ZMYND8: variants seen among roughly 807,000 people sequenced by gnomAD.
The protein encoded by ZMYND8 is zinc finger MYND-type containing 8.
Under a neutral mutation model 140.8 loss-of-function variants are expected in ZMYND8, and 37 were observed. The ratio of observed to expected loss-of-function variants is 0.26; its 90% CI spans 0.20 to 0.35. ZMYND8 has a LOEUF of 0.35. Among genes scored for constraint, ZMYND8 ranks in the 10% least tolerant of loss-of-function variants. ZMYND8 has a pLI of 1.00. For synonymous variants in ZMYND8, 592 were observed against 597.1 expected (o/e 0.99, Z 0.12); for missense variants, 1,068 against 1,570.0 (o/e 0.68, Z 5.40).
At chr20:47,213,801 C>T (rs1230784121) in intron 21 of ZMYND8, among the ~76,000 whole-genome samples, 14 of 152,004 alleles carry the variant, frequency 9.2e-5, no homozygotes, top group Admixed American at 3.9e-4. Context: ...TTTTAAAGCT[C>T]GAAGTCAACA....
chr20:47,214,209 A>C (rs2035718565), intron 21 of ZMYND8, among the ~76,000 whole-genome samples: 1 of 152,210 alleles, frequency 6.6e-6, no homozygotes, highest in South Asian at 2.1e-4. Context: ...ATGGATGAGG[A>C]ATTAATTAGA....
intron 17 of ZMYND8, among the ~76,000 whole-genome samples, chr20:47,228,723 G>T (rs767459060): frequency 1.8e-4 from 28 of 152,072 alleles, no homozygotes; most frequent in Non-Finnish European, 3.7e-4. Flanking sequence ...TCTCCTCTTC[G>T]TCTGAGCACC....
chr20:47,251,597 A>G (rs1419073339), intron 12 of ZMYND8, among the ~76,000 whole-genome samples: 1 of 151,568 alleles, frequency 6.6e-6, no homozygotes, highest in South Asian at 2.1e-4. Flanking sequence ...AAAAAAAAAA[A>G]TTTACTGGAC....
chr20:47,227,188 T>G lies in ZMYND8; in HGVS notation c.3016+15A>C. 1 of 1,614,076 alleles carries G rather than the reference T, an allele frequency of 6.2e-7. No individual in the cohort carries two copies. Among genetic ancestry groups the G allele is most frequent in the Middle Eastern group, 1.7e-4 (1 of 6,060 alleles). On this transcript the variant is annotated intron_variant, in intron 18 of 22. Transcript: ENST00000471951. ...CAAAACCCTCCTCAGTCCAGACCAGTGTGTCAGGCCTTACCTAAGTTGTGT... is the reference window on the plus strand; with the variant it reads ...CAAAACCCTCCTCAGTCCAGACCAGGGTGTCAGGCCTTACCTAAGTTGTGT...
chr20:47,247,214 CA>C (rs1464403074), intron 13 of ZMYND8, among the ~76,000 whole-genome samples: 1 of 152,178 alleles, frequency 6.6e-6, no homozygotes, highest in Non-Finnish European at 1.5e-5. Flanking sequence ...GAAATCAAAG[CA>C]GGGGCTTCTG....
At chr20:47,343,398 G>C (rs1432919612) in intron 2 of ZMYND8, among the ~76,000 whole-genome samples, 41 of 152,160 alleles carry the variant, frequency 2.7e-4, no homozygotes, top group Non-Finnish European at 2.9e-5. Context: ...AAATAAATAA[G>C]TAGTATTGGA....
At chr20:47,239,934 AT>A (rs978975262) in intron 14 of ZMYND8, among the ~76,000 whole-genome samples, 1 of 152,218 alleles carries the variant, frequency 6.6e-6, no homozygotes, top group Admixed American at 6.5e-5. Flanking sequence ...TTCAGGGGAA[AT>A]TTTTTTACTA....
intron 2 of ZMYND8, among the ~76,000 whole-genome samples, chr20:47,345,297 G>A (rs1413198029): frequency 6.6e-6 from 1 of 152,024 alleles, no homozygotes; most frequent in African/African-American, 2.4e-5. Context: ...GACACACAGG[G>A]GCCCCAAGGA....
intron 6 of ZMYND8, among the ~76,000 whole-genome samples, chr20:47,291,392 A>G (rs1057407494): frequency 6.6e-6 from 1 of 152,210 alleles, no homozygotes; most frequent in Non-Finnish European, 1.5e-5. Flanking sequence ...AATTCTAAGA[A>G]GCCACATCTT....
At chr20:47,310,347 A>C in intron 2 of ZMYND8, 143 bp from the exon 3 acceptor site, 2 of 862,346 alleles carry the variant, frequency 2.3e-6, no homozygotes, top group South Asian at 3.9e-5. Flanking sequence ...TCCTCCTCCC[A>C]GAATATACGT....
chr20:47,269,457 A>G (rs1269598651), intron 11 of ZMYND8, among the ~76,000 whole-genome samples: 1 of 152,250 alleles, frequency 6.6e-6, no homozygotes, highest in Non-Finnish European at 1.5e-5. Context: ...GCTTGTTTCA[A>G]TTAAAACTCT....
intron 2 of ZMYND8, among the ~76,000 whole-genome samples, chr20:47,327,789 A>T (rs2080569667): frequency 6.6e-6 from 1 of 152,204 alleles, no homozygotes; most frequent in Admixed American, 6.6e-5. Flanking sequence ...CTTAACTTTC[A>T]GATAATTAAA....
At chr20:47,245,064 C>A (rs11906524) in intron 14 of ZMYND8, among the ~76,000 whole-genome samples, 3 of 151,952 alleles carry the variant, frequency 2.0e-5, no homozygotes, top group African/African-American at 7.3e-5. Flanking sequence ...TCCGCCCCCC[C>A]TCCCCAAAAA....
chr20:47,287,131 C>A (rs1215463314), intron 8 of ZMYND8, 98 bp downstream of exon 8: 12 of 1,104,202 alleles, frequency 1.1e-5, no homozygotes, highest in Non-Finnish European at 1.7e-5. Context: ...TCCAAAATCA[C>A]CTCGGCTACC....
intron 7 of ZMYND8, among the ~76,000 whole-genome samples, chr20:47,288,037 G>A (rs2077033563): frequency 6.6e-6 from 1 of 152,154 alleles, no homozygotes; most frequent in Non-Finnish European, 1.5e-5. Context: ...CAGACGACAA[G>A]ATGGTCCAAA....
chr20:47,218,241 G>A (rs565105919), intron 21 of ZMYND8, among the ~76,000 whole-genome samples: 1 of 152,090 alleles, frequency 6.6e-6, no homozygotes, highest in Non-Finnish European at 1.5e-5. Flanking sequence ...GATGCCAACA[G>A]ACTCCTGCCA....
At chr20:47,215,467 G>A (rs932002821) in intron 21 of ZMYND8, among the ~76,000 whole-genome samples, 25 of 151,998 alleles carry the variant, frequency 1.6e-4, no homozygotes, top group African/African-American at 4.8e-4. Flanking sequence ...TAGCAGCAGC[G>A]GAGTGTGTAA....
At chr20:47,214,381 C>A (rs763658391) in intron 21 of ZMYND8, among the ~76,000 whole-genome samples, 2 of 152,208 alleles carry the variant, frequency 1.3e-5, no homozygotes, top group Non-Finnish European at 2.9e-5. Flanking sequence ...AGAATCACTG[C>A]GGCACTGACT....
At chr20:47,350,079 A>G (rs1327362336) in intron 1 of ZMYND8, 57 of 1,354,052 alleles carry the variant, frequency 4.2e-5, no homozygotes, top group Non-Finnish European at 5.1e-5. Flanking sequence ...AGAGAGAGGG[A>G]AAAAAAAGTT....
Sources: gnomAD v4.1 joint callset for allele counts (sites outside exome capture counted in the v4.1 genomes callset) on GRCh38, gnomAD v4.1.1 for gene constraint, MANE v1.5 for transcripts, NCBI Gene and HGNC (gene_info 2026-07-23, HGNC 2026-07-21) for gene names.